TBCK: variants seen among roughly 807,000 people sequenced by gnomAD.
The protein encoded by TBCK is TBC domain-containing protein kinase-like protein.
In TBCK, 99 loss-of-function variants were observed where a neutral mutation model predicts 113.4. The observed-to-expected ratio is 0.87, with a 90% confidence interval of 0.74 to 1.03. TBCK has a LOEUF of 1.03. Ranked by LOEUF, TBCK falls within the 50% of genes least tolerant of loss-of-function variation. TBCK has a pLI of 0.00. For synonymous variants in TBCK, 369 were observed against 370.8 expected (o/e 1.00, Z 0.05); for missense variants, 1,045 against 1,061.3 (o/e 0.98, Z 0.21).
At chr4:106,125,806 G>A (rs933316402) in intron 23 of TBCK, among the ~76,000 whole-genome samples, 8 of 152,126 alleles carry the variant, frequency 5.3e-5, no homozygotes, top group Non-Finnish European at 2.9e-5. Context: ...TGGAAATACA[G>A]TTAGATAGAA....
chr4:106,073,663 C>T (rs1022154657), intron 25 of TBCK, among the ~76,000 whole-genome samples: 9 of 152,166 alleles, frequency 5.9e-5, no homozygotes, highest in Middle Eastern at 6.3e-3. Context: ...CAGACTGGGA[C>T]GTTTAAGTCT....
At chr4:106,307,083 C>T (rs1187152758) in intron 2 of TBCK, among the ~76,000 whole-genome samples, 1 of 152,164 alleles carries the variant, frequency 6.6e-6, no homozygotes, top group African/African-American at 2.4e-5. Context: ...TGTGGTAGAG[C>T]TCAACAGTAT....
At chr4:106,181,863 T>C (rs1257199751) in intron 22 of TBCK, among the ~76,000 whole-genome samples, 1 of 152,180 alleles carries the variant, frequency 6.6e-6, no homozygotes, top group Non-Finnish European at 1.5e-5. Context: ...TCTTTTTTGG[T>C]TCCATATGAA....
chr4:106,262,244 T>C, intron 3 of TBCK, 32 bp from the exon 4 acceptor site: 8 of 1,250,922 alleles, frequency 6.4e-6, no homozygotes, highest in Non-Finnish European at 9.0e-6. Context: ...AAAGATCAAT[T>C]ACAAAGCAAA....
rs1740793730 is a variant in TBCK at position 106,095,473 on chromosome 4, T to C, written c.2571+9A>G. ...CATATGTACATATGACATTTCTGAATATACTTACCTCAGCTGTGTGTTTTG... is the reference window on the plus strand; with the variant it reads ...CATATGTACATATGACATTTCTGAACATACTTACCTCAGCTGTGTGTTTTG... On this transcript the variant is annotated intron_variant, in intron 25 of 25. Transcript: ENST00000394708. 1 of 1,611,364 alleles carries C rather than the reference T, an allele frequency of 6.2e-7. No homozygotes were observed. The highest frequency in any genetic ancestry group is 8.5e-7 in the Non-Finnish European group (1 of 1,178,726).
chr4:106,191,103 C>T (rs1462485707), intron 22 of TBCK, among the ~76,000 whole-genome samples: 6 of 152,118 alleles, frequency 3.9e-5, no homozygotes, highest in Admixed American at 1.3e-4. Flanking sequence ...CTGAGCATGA[C>T]GTTTTTTCTT....
Position 106,120,847 on chromosome 4 carries a change from A to C in TBCK, c.2236-4469T>G, listed in dbSNP as rs889390402. Among the ~76,000 whole-genome samples, 126 of 152,276 alleles carry C rather than the reference A, an allele frequency of 8.3e-4. 2 individuals are homozygous for C. Among genetic ancestry groups the C allele is most frequent in the Admixed American group, 7.6e-3 (117 of 15,302 alleles). ...CCATCATCAAAGACCAAAAGCAGAT[A>C]AAACCACAAAGATGGGAAAAAAACA... is the stretch of plus-strand genomic sequence containing the variant. On this transcript the variant is annotated intron_variant, in intron 23 of 25. Transcript: ENST00000394708.
chr4:106,267,647 A>G (rs1345357142), intron 3 of TBCK, among the ~76,000 whole-genome samples: 2 of 152,022 alleles, frequency 1.3e-5, no homozygotes, highest in Non-Finnish European at 2.9e-5. Context: ...GAAAAACACT[A>G]TCACCACCAC....
At chr4:106,266,205 C>T (rs1762974568) in intron 3 of TBCK, among the ~76,000 whole-genome samples, 1 of 149,412 alleles carries the variant, frequency 6.7e-6, no homozygotes, top group African/African-American at 2.4e-5. Context: ...TGAAAGAAAA[C>T]AAAGTCTTCC....
chr4:106,079,302 T>C (rs1455672595), intron 25 of TBCK, among the ~76,000 whole-genome samples: 2 of 152,104 alleles, frequency 1.3e-5, no homozygotes, highest in Admixed American at 6.5e-5. Flanking sequence ...GTATTCAACA[T>C]AGCACTGGAA....
chr4:106,116,047 T>C (rs1021684832), intron 24 of TBCK, among the ~76,000 whole-genome samples, 156 bp downstream of exon 24: 12 of 152,238 alleles, frequency 7.9e-5, no homozygotes, highest in African/African-American at 2.7e-4. Context: ...TAAAACCTTA[T>C]GCAAGACCAT....
At position 106,248,280 on chromosome 4, in the gene TBCK, A is replaced by G. The variant is rs1761053771; in HGVS notation, c.747T>C (p.Leu249=). ...GATGGAAGGTAAGGCACTTATTCAA[A>G]AGATCTATCACAGTTTCAGGAAGCT... The part of the protein sequence containing the change: ...IKELPETVID[L]LNKCLTFHPS... The change falls in exon 9 of 26, where the codon CTT becomes CTC. Residue 249 remains leucine (L), a synonymous_variant. Coordinates refer to ENST00000394708, the MANE Select transcript of TBCK (RefSeq NM_001163435.3). 1 of 1,596,726 alleles carries G rather than the reference A, an allele frequency of 6.3e-7. No homozygotes were observed. Among genetic ancestry groups the G allele is most frequent in the East Asian group, 2.3e-5 (1 of 44,076 alleles).
intron 10 of TBCK, among the ~76,000 whole-genome samples, chr4:106,245,634 C>G (rs988722510): frequency 1.3e-5 from 2 of 152,124 alleles, no homozygotes; most frequent in Non-Finnish European, 2.9e-5. Context: ...GATTCTGATT[C>G]AATTTTTGTA....
intron 23 of TBCK, among the ~76,000 whole-genome samples, chr4:106,120,966 G>A (rs1744273191): frequency 6.6e-6 from 1 of 152,158 alleles, no homozygotes; most frequent in African/African-American, 2.4e-5. Context: ...GCTGGATGGA[G>A]AATGACTTTG....
rs1435057683 is a variant in TBCK, at chr4:106,043,147, T to C, written c.*3423A>G. ...TTCATTTCTGACATCAAAAAACTTC[T>C]TTCTTTCAAACTTGGTTAAGCATTA... On this transcript the variant is annotated 3_prime_UTR_variant, in exon 26 of 26. Coordinates refer to ENST00000394708, the MANE Select transcript of TBCK (RefSeq NM_001163435.3). The C allele has an allele frequency of 6.6e-6, 1 of 152,214 alleles. No homozygotes were observed. Among genetic ancestry groups the C allele is most frequent in the African/African-American group, 2.4e-5 (1 of 41,450 alleles). The allele number at this position is 152,214 out of a possible 1,614,324, so 9.4% of individuals were successfully genotyped here. A position where few individuals can be genotyped will look rare whatever the true frequency, so the allele number is the denominator to read the frequency against.
In TBCK at chr4:106,308,753, A is replaced by G. The variant is rs749228219; in HGVS notation, c.193+15T>C. ...AGTAGAGAACATAAATAGGAAAAAA[A>G]AGAAAATAACTTACCATGCTTTCCC... On this transcript the variant is annotated intron_variant, in intron 2 of 25. Transcript: ENST00000394708. 1.9e-6 allele frequency: 3 copies of G among 1,597,574 alleles called. No individual in the cohort carries two copies. The South Asian group carries it at 3.4e-5, about 18-fold the overall frequency.
At position 106,048,935 on chromosome 4, in the gene TBCK, A is replaced by C. The variant is rs1241808079; in HGVS notation, c.2572-2255T>G. ...CTGCTGTGTGGGAGGTCTAAGAAGA[A>C]GAGTAGAAATGGAGTGCAAGGAGAT... On this transcript the variant is annotated intron_variant, in intron 25 of 25. Coordinates refer to ENST00000394708, the MANE Select transcript of TBCK (RefSeq NM_001163435.3). Among the ~76,000 whole-genome samples, 4 of 152,146 alleles carry C rather than the reference A, an allele frequency of 2.6e-5. No individual in the cohort carries two copies. The East Asian group carries it at 7.7e-4, about 29-fold the overall frequency.
intron 22 of TBCK, 102 bp from the exon 23 acceptor site, chr4:106,171,372 A>G: frequency 1.2e-6 from 1 of 814,972 alleles, no homozygotes. Context: ...AAATATGGCT[A>G]AGATGATAAG....
chr4:106,295,122 C>G lies in TBCK; in HGVS notation c.238G>C (p.Asp80His). Residue 80 changes from aspartate to histidine, a missense_variant, in exon 3 of 26, where the codon GAC becomes CAC. Physicochemically the swap from Asp to His is moderately conservative, Grantham distance 81. Coordinates refer to ENST00000394708, the MANE Select transcript of TBCK (RefSeq NM_001163435.3). ...VAEHCERSLEDLLRERKPVSC... is the reference protein window; with the variant it reads ...VAEHCERSLEHLLRERKPVSC... ...ACAGGTTTCCTTTCTCGAAGCAAGT[C>G]TTCCAGACTACGTTCACAATGTTCA... The G allele has an allele frequency of 6.2e-7, 1 of 1,613,692 alleles. No homozygotes were observed. Among genetic ancestry groups the G allele is most frequent in the Admixed American group, 1.7e-5 (1 of 60,002 alleles).
Sources: allele counts gnomAD v4.1 joint callset (sites outside exome capture counted in the v4.1 genomes callset), GRCh38; gene constraint gnomAD v4.1.1; transcripts MANE v1.5; gene names NCBI Gene and HGNC (gene_info 2026-07-23, HGNC 2026-07-21).